The following PDE3A variants were observed in gnomAD, a reference collection of about 807,000 sequenced individuals.
PDE3A encodes the protein cGMP-inhibited 3',5'-cyclic phosphodiesterase 3A.
A neutral mutation model predicts 98.3 loss-of-function variants in PDE3A; 43 were observed. The observed-to-expected ratio is 0.44, with a 90% confidence interval of 0.34 to 0.56. The LOEUF is 0.56. Ranked by LOEUF, PDE3A falls within the 20% of genes least tolerant of loss-of-function variation. PDE3A has a pLI of 0.01. For synonymous variants in PDE3A, 663 were observed against 567.9 expected, an observed-to-expected ratio of 1.17 and a Z score of -2.38; for missense variants, 1,427 against 1,440.7, an observed-to-expected ratio of 0.99 and a Z score of 0.15.
rs550650170 is a variant in PDE3A at position 20,637,423 on chromosome 12, A to G, written c.2139+186A>G. On this transcript the variant is annotated intron_variant, in intron 9 of 15. Coordinates refer to ENST00000359062, the MANE Select transcript of PDE3A (RefSeq NM_000921.5). Reference sequence around the variant, plus strand: ...AGAAACTGGAACTTCAAGTGAGTCGAGTGTCATATTCTACAATTAAAATAT... The same window carrying G: ...AGAAACTGGAACTTCAAGTGAGTCGGGTGTCATATTCTACAATTAAAATAT... 9.4e-5 allele frequency among the ~76,000 whole-genome samples: 14 copies of G among 148,674 alleles called. No individual in the cohort carries two copies. The South Asian group carries it at 2.9e-3, about 31-fold the overall frequency.
chr12:20,439,870 C>T (rs1052022391), intron 1 of PDE3A, among the ~76,000 whole-genome samples: 3 of 152,110 alleles, frequency 2.0e-5, no homozygotes, highest in South Asian at 4.1e-4. Context: ...TAGGAACAGA[C>T]AGCTAGCACT....
intron 15 of PDE3A, among the ~76,000 whole-genome samples, chr12:20,670,582 C>G (rs1265355044): frequency 6.6e-6 from 1 of 151,966 alleles, no homozygotes; most frequent in Non-Finnish European, 1.5e-5. Context: ...ACTGAACAAC[C>G]TGCTCCTGAA....
chr12:20,545,786 A>AAC (rs1555159461), intron 1 of PDE3A, among the ~76,000 whole-genome samples: 10 of 149,358 alleles, frequency 6.7e-5, no homozygotes, highest in Admixed American at 2.0e-4. Context: ...CCAAAAAAAA[A>AAC]AAAACAAAAC....
chr12:20,478,608 A>C (rs1175752145), intron 1 of PDE3A, among the ~76,000 whole-genome samples: 1 of 152,196 alleles, frequency 6.6e-6, no homozygotes, highest in Non-Finnish European at 1.5e-5. Flanking sequence ...AACTGCCTGT[A>C]AACGTAATGG....
chr12:20,370,414 T>G lies in PDE3A; in HGVS notation c.960+170T>G, dbSNP rs568535767. ...GTTTTTTTTTTGTTTTTTTTGTTTTTTTTTTTTTGTTTTTTTGCCCTCTCT... is the reference window on the plus strand; with the variant it reads ...GTTTTTTTTTTGTTTTTTTTGTTTTGTTTTTTTTGTTTTTTTGCCCTCTCT... On this transcript the variant is annotated intron_variant, in intron 1 of 15. Coordinates refer to ENST00000359062, the MANE Select transcript of PDE3A (RefSeq NM_000921.5). Among the ~76,000 whole-genome samples the G allele has an allele frequency of 2.1e-3, 318 of 149,758 alleles. 3 individuals are homozygous for G. The highest frequency in any genetic ancestry group is 6.5e-3 in the African/African-American group (267 of 41,118).
intron 1 of PDE3A, among the ~76,000 whole-genome samples, chr12:20,530,342 T>C (rs913867512): frequency 6.6e-6 from 1 of 152,214 alleles, no homozygotes. Context: ...CTACAACTTA[T>C]GGGCATACCC....
chr12:20,656,414 G>C (rs999730257), intron 15 of PDE3A, among the ~76,000 whole-genome samples: 2 of 152,186 alleles, frequency 1.3e-5, no homozygotes, highest in African/African-American at 4.8e-5. Flanking sequence ...TTGAGTTTTA[G>C]ATCAGATCTG....
intron 1 of PDE3A, among the ~76,000 whole-genome samples, chr12:20,380,188 T>C (rs1943639465): frequency 6.6e-6 from 1 of 151,934 alleles, no homozygotes; most frequent in Admixed American, 6.6e-5. Flanking sequence ...AAGTCTAATG[T>C]AAAGCAAATG....
At chr12:20,591,183 A>G (rs1023154824) in intron 2 of PDE3A, among the ~76,000 whole-genome samples, 2 of 152,216 alleles carry the variant, frequency 1.3e-5, no homozygotes, top group Admixed American at 6.5e-5. Context: ...AGCTACAGAA[A>G]AATAATGTTT....
chr12:20,446,965 C>T (rs1057177208), intron 1 of PDE3A, among the ~76,000 whole-genome samples: 15 of 152,074 alleles, frequency 9.9e-5, no homozygotes, highest in African/African-American at 2.7e-4. Context: ...GGAGCAAGGG[C>T]AAGAGTGTTA....
intron 2 of PDE3A, among the ~76,000 whole-genome samples, chr12:20,565,116 C>T (rs954484395): frequency 6.6e-6 from 1 of 152,036 alleles, no homozygotes; most frequent in Non-Finnish European, 1.5e-5. Context: ...TATATTCTTT[C>T]CCCCAGATAG....
chr12:20,524,266 A>C (rs1216772339), intron 1 of PDE3A, among the ~76,000 whole-genome samples: 1 of 152,218 alleles, frequency 6.6e-6, no homozygotes, highest in Non-Finnish European at 1.5e-5. Flanking sequence ...TTAGCTCTTC[A>C]CATCCTCCCA....
At chr12:20,457,304 CTTAATA>C (rs1482061148) in intron 1 of PDE3A, among the ~76,000 whole-genome samples, 8 of 150,284 alleles carry the variant, frequency 5.3e-5, no homozygotes, top group African/African-American at 2.0e-4. Context: ...TAGTTTTGCT[CTTAATA>C]TTAACATTGC....
chr12:20,633,552 T>C (rs769727761), intron 6 of PDE3A, 141 bp from the exon 7 acceptor site: 3 of 504,698 alleles, frequency 5.9e-6, no homozygotes, highest in Non-Finnish European at 1.1e-5. Flanking sequence ...TCAAACAAAA[T>C]GCATATTTTC....
chr12:20,573,170 G>A (rs1942843800), intron 2 of PDE3A, among the ~76,000 whole-genome samples: 1 of 152,008 alleles, frequency 6.6e-6, no homozygotes, highest in Non-Finnish European at 1.5e-5. Context: ...AATATACCTT[G>A]AATTAATTAA....
At chr12:20,655,180 G>A (rs975457577) in intron 15 of PDE3A, among the ~76,000 whole-genome samples, 5 of 152,210 alleles carry the variant, frequency 3.3e-5, no homozygotes, top group African/African-American at 1.2e-4. Context: ...TAAAAGGAGG[G>A]AGATATGAAA....
intron 1 of PDE3A, among the ~76,000 whole-genome samples, chr12:20,514,981 C>T (rs546465939): frequency 6.6e-6 from 1 of 152,278 alleles, no homozygotes; most frequent in East Asian, 1.9e-4. Flanking sequence ...ATTATGATAT[C>T]AGTATCTGAC....
At chr12:20,478,186 G>T (rs1387720468) in intron 1 of PDE3A, among the ~76,000 whole-genome samples, 1 of 151,970 alleles carries the variant, frequency 6.6e-6, no homozygotes, top group Non-Finnish European at 1.5e-5. Context: ...TTAGGAATAG[G>T]GATGGTTTAT....
chr12:20,661,345 A>G (rs764545643), intron 15 of PDE3A, among the ~76,000 whole-genome samples: 1 of 152,230 alleles, frequency 6.6e-6, no homozygotes, highest in Non-Finnish European at 1.5e-5. Flanking sequence ...TGGCAATGCA[A>G]TAGAAAAGAA....
Sources: gnomAD v4.1 joint callset for allele counts (sites outside exome capture counted in the v4.1 genomes callset) on GRCh38, gnomAD v4.1.1 for gene constraint, MANE v1.5 for transcripts, NCBI Gene and HGNC (gene_info 2026-07-23, HGNC 2026-07-21) for gene names.